RCN2: variants seen among roughly 807,000 people sequenced by gnomAD.
The protein encoded by RCN2 is reticulocalbin-2.
A neutral mutation model predicts 37.5 loss-of-function variants in RCN2; 23 were observed. The ratio of observed to expected loss-of-function variants is 0.61; its 90% CI spans 0.44 to 0.87. RCN2 has a LOEUF of 0.87. Ranked by LOEUF, RCN2 falls within the 40% of genes least tolerant of loss-of-function variation. The pLI is 0.00. For missense variants in RCN2, 381 were observed against 390.4 expected (o/e 0.98, Z 0.20); for synonymous variants, 140 against 144.6 (o/e 0.97, Z 0.23).
rs1376309586 is a variant in RCN2, at chr15:76,953,803, T to C, written c.*4581T>C. 1.2e-4 allele frequency: 2 copies of C among 17,270 alleles called. No individual in the cohort carries two copies. Among genetic ancestry groups the C allele is most frequent in the Non-Finnish European group, 4.3e-3 (2 of 460 alleles). 1.1% of individuals were successfully genotyped at this position (17,270 alleles called of 1,614,324 possible). On this transcript the variant is annotated 3_prime_UTR_variant, in exon 7 of 7. Transcript: ENST00000394885. ...TTTGTATTTTTAGTAGAGACGGGGT[T>C]TCACCGTGTTAGCCAGGATGGTCTT...
Position 76,950,413 on chromosome 15 carries a change from G to A in RCN2, c.*1191G>A, listed in dbSNP as rs1293691431. 7.8e-6 allele frequency: 1 copy of A among 127,606 alleles called. No individual in the cohort carries two copies. The highest frequency in any genetic ancestry group is 2.5e-4 in the South Asian group (1 of 4,044). 7.9% of individuals were successfully genotyped at this position (127,606 alleles called of 1,614,324 possible). On this transcript the variant is annotated 3_prime_UTR_variant, in exon 7 of 7. Coordinates refer to ENST00000394885, the MANE Select transcript of RCN2 (RefSeq NM_002902.3). ...TTTTTTTTTTTTTTTTTTTGTGACA[G>A]AGTCTTGCTCTGTGGCCCAGGCTGG... is the stretch of plus-strand genomic sequence containing the variant.
intron 3 of RCN2, chr15:76,941,646 A>G (rs1474946147): frequency 2.0e-6 from 3 of 1,492,210 alleles, no homozygotes; most frequent in South Asian, 2.6e-5. Flanking sequence ...GGAATTTGCC[A>G]TTTGTAAAAA....
intron 2 of RCN2, 106 bp downstream of exon 2, chr15:76,932,572 T>A: frequency 1.3e-6 from 1 of 756,718 alleles, no homozygotes; most frequent in East Asian, 2.7e-5. Context: ...GGAAGTCCTG[T>A]GAGAAGGAGA....
intron 1 of RCN2, 78 bp downstream of exon 1, chr15:76,932,063 G>A: frequency 8.2e-7 from 1 of 1,224,298 alleles, no homozygotes; most frequent in Non-Finnish European, 1.0e-6. Flanking sequence ...GGACAAAGGG[G>A]GGCGGCCGGG....
rs2075312851 is a variant in RCN2, at chr15:76,949,996, T to C, written c.*774T>C. The C allele has an allele frequency of 6.6e-6, 1 of 152,648 alleles. No individual in the cohort carries two copies. The highest frequency in any genetic ancestry group is 2.4e-5 in the African/African-American group (1 of 41,462). 9.5% of individuals were successfully genotyped at this position (152,648 alleles called of 1,614,324 possible). A position where few individuals can be genotyped will look rare whatever the true frequency, so the allele number is the denominator to read the frequency against. ...TACATTATCTTGCCTCATCCATTCC[T>C]TTATGTGGATAGTTCCCAAAACTGT... On this transcript the variant is annotated 3_prime_UTR_variant, in exon 7 of 7. Transcript: ENST00000394885.
chr15:76,943,694 G>A, intron 3 of RCN2, 64 bp from the exon 4 acceptor site: 1 of 861,788 alleles, frequency 1.2e-6, no homozygotes, highest in Non-Finnish European at 1.9e-6. Context: ...ATTTCACATA[G>A]TTTGTATTTT....
chr15:76,938,275 CAAT>C (rs1355117227), intron 3 of RCN2, among the ~76,000 whole-genome samples: 2 of 152,096 alleles, frequency 1.3e-5, no homozygotes, highest in Non-Finnish European at 2.9e-5. Context: ...TATAGTGTAA[CAAT>C]GATTTACTCC....
intron 4 of RCN2, among the ~76,000 whole-genome samples, chr15:76,946,342 G>A (rs2075296674): frequency 6.6e-6 from 1 of 152,124 alleles, no homozygotes; most frequent in Admixed American, 6.5e-5. Context: ...TAGCTACTTG[G>A]GAGACTGAGG....
chr15:76,939,127 A>G (rs1421294202), intron 3 of RCN2, among the ~76,000 whole-genome samples: 1 of 152,154 alleles, frequency 6.6e-6, no homozygotes, highest in Non-Finnish European at 1.5e-5. Context: ...GCTATTTGGG[A>G]GGCTGAGGCA....
intron 3 of RCN2, among the ~76,000 whole-genome samples, chr15:76,940,435 T>C (rs2075272062): frequency 6.6e-6 from 1 of 151,638 alleles, no homozygotes; most frequent in African/African-American, 2.4e-5. Context: ...CTAAACACTA[T>C]ACCATAAATA....
chr15:76,940,947 T>C (rs1411931437), intron 3 of RCN2, among the ~76,000 whole-genome samples: 2 of 152,164 alleles, frequency 1.3e-5, no homozygotes, highest in Non-Finnish European at 2.9e-5. Flanking sequence ...GAAGCATTTC[T>C]TTATAATATA....
Position 76,935,702 on chromosome 15 carries a change from G to A in RCN2, c.427G>A (p.Glu143Lys), listed in dbSNP as rs779824870. ...TGAGAACACTGCTCTGGATGATGCA[G>A]AAGAGGAGTCCTTTAGGAAGGTGAG... ...FDENTALDDA[E>K]EESFRKLHLK... The change falls in exon 3 of 7, where the codon GAA becomes AAA. Residue 143 changes from glutamate to lysine, a missense_variant. Coordinates refer to ENST00000394885, the MANE Select transcript of RCN2 (RefSeq NM_002902.3). The A allele has an allele frequency of 6.2e-7, 1 of 1,612,776 alleles. No homozygotes were observed. Among genetic ancestry groups the A allele is most frequent in the South Asian group, 1.1e-5 (1 of 90,812 alleles).
At chr15:76,946,945 C>T (rs1446300218) in intron 4 of RCN2, among the ~76,000 whole-genome samples, 2 of 152,008 alleles carry the variant, frequency 1.3e-5, no homozygotes, top group Non-Finnish European at 2.9e-5. Flanking sequence ...GGTATAATGG[C>T]GGGCTGGTAC....
At chr15:76,937,959 T>C (rs1390772172) in intron 3 of RCN2, among the ~76,000 whole-genome samples, 1 of 152,178 alleles carries the variant, frequency 6.6e-6, no homozygotes, top group Non-Finnish European at 1.5e-5. Flanking sequence ...ATTAAAATCT[T>C]TTTTATAGGT....
chr15:76,949,623 G>C lies in RCN2; in HGVS notation c.*401G>C, dbSNP rs1449555054. On this transcript the variant is annotated 3_prime_UTR_variant, in exon 7 of 7. Transcript: ENST00000394885. ...TTTGTTCTAAGTAGATTTAATTTGGGAACTGACAGGACAATGTTTTTAGGT... is the reference window on the plus strand; with the variant it reads ...TTTGTTCTAAGTAGATTTAATTTGGCAACTGACAGGACAATGTTTTTAGGT... The C allele has an allele frequency of 6.5e-6, 1 of 153,256 alleles. No individual in the cohort carries two copies. Among genetic ancestry groups the C allele is most frequent in the African/African-American group, 2.4e-5 (1 of 41,458 alleles). The allele number at this position is 153,256 out of a possible 1,614,324, so 9.5% of individuals were successfully genotyped here. A position where few individuals can be genotyped will look rare whatever the true frequency, so the allele number is the denominator to read the frequency against.
At position 76,935,362 on chromosome 15, in the gene RCN2, A is replaced by T. The variant is rs142396535; in HGVS notation, c.251-164A>T. ...TTAAAAGCTTCATGAGCTCTTCTAAACAGCCTTTCCCACTTCCTACCCCAT... is the reference window on the plus strand; with the variant it reads ...TTAAAAGCTTCATGAGCTCTTCTAATCAGCCTTTCCCACTTCCTACCCCAT... On this transcript the variant is annotated intron_variant, in intron 2 of 6. Coordinates refer to ENST00000394885, the MANE Select transcript of RCN2 (RefSeq NM_002902.3). 4.1e-4 allele frequency among the ~76,000 whole-genome samples: 62 copies of T among 152,316 alleles called. 1 individual carries two copies. The East Asian group carries it at 0.012, about 29-fold the overall frequency.
rs11463370 is a variant in RCN2, at chr15:76,940,546, C to CTT, written c.448-3193_448-3192dup. Among the ~76,000 whole-genome samples, 669 of 119,588 alleles carry CTT rather than the reference C, an allele frequency of 5.6e-3. 12 individuals carry two copies. Among genetic ancestry groups the CTT allele is most frequent in the African/African-American group, 0.01 (341 of 32,658 alleles). 78.5% of individuals were successfully genotyped at this position (119,588 alleles called of 152,430 possible). ...AGTCAGCTTAATATCTGAACTTCAC[C>CTT]TTTTTTTTTTTTTTTTTTTTGAGAG... On this transcript the variant is annotated intron_variant, in intron 3 of 6. Transcript: ENST00000394885.
At chr15:76,942,068 GA>G (rs1258872254) in intron 3 of RCN2, 1 of 157,656 alleles carries the variant, frequency 6.3e-6, no homozygotes, top group East Asian at 1.8e-4. Flanking sequence ...AAGCTATTTG[GA>G]AACAAGTTAT....
chr15:76,945,169 G>T (rs1400551622), intron 4 of RCN2, among the ~76,000 whole-genome samples: 1 of 152,178 alleles, frequency 6.6e-6, no homozygotes, highest in African/African-American at 2.4e-5. Flanking sequence ...GTGAAAGACT[G>T]AATTTTTAAA....
Sources: allele counts gnomAD v4.1 joint callset (sites outside exome capture counted in the v4.1 genomes callset), GRCh38; gene constraint gnomAD v4.1.1; transcripts MANE v1.5; gene names NCBI Gene and HGNC (gene_info 2026-07-23, HGNC 2026-07-21).